NTRK3: variants seen among roughly 807,000 people sequenced by gnomAD.
NTRK3 encodes NT-3 growth factor receptor.
NTRK3 carries 24 observed loss-of-function variants against 91.7 expected under a neutral mutation model. The ratio of observed to expected loss-of-function variants is 0.26; its 90% CI spans 0.19 to 0.37. The LOEUF (loss-of-function observed/expected upper bound fraction) is 0.37, where lower values mean the gene tolerates loss of function less well. NTRK3 is among the 10% of genes least tolerant of loss of function. The pLI is 1.00. For missense variants in NTRK3, 880 were observed against 1,068.9 expected, an observed-to-expected ratio of 0.82 and a Z score of 2.46; for synonymous variants, 483 against 404.0, an observed-to-expected ratio of 1.20 and a Z score of -2.34.
chr15:87,873,007 A>T (rs1285857664), exon 19 of NTRK3: 1 of 232,936 alleles, frequency 4.3e-6, no homozygotes, highest in Non-Finnish European at 8.5e-6. Context: ...CTTAACTTCC[A>T]ATGCACCCTG....
intron 3 of NTRK3, among the ~76,000 whole-genome samples, chr15:88,189,856 G>C (rs147607179): frequency 0.013 from 1,952 of 152,268 alleles, 23 homozygotes; most frequent in Non-Finnish European, 0.019. Flanking sequence ...TACAGAATGT[G>C]TGGTCCATAT....
chr15:88,187,933 C>CAA (rs374017458), intron 3 of NTRK3, among the ~76,000 whole-genome samples: 34 of 114,662 alleles, frequency 3.0e-4, no homozygotes, highest in African/African-American at 9.3e-4. Context: ...GACACTGTCT[C>CAA]AAAAAAAAAA....
At chr15:87,932,164 G>T (rs536762138) in intron 16 of NTRK3, among the ~76,000 whole-genome samples, 1 of 152,188 alleles carries the variant, frequency 6.6e-6, no homozygotes, top group Non-Finnish European at 1.5e-5. Context: ...TCTGGCTGGC[G>T]TTCCAGTCTC....
At chr15:88,230,534 G>C (rs2051092169) in intron 3 of NTRK3, among the ~76,000 whole-genome samples, 1 of 152,138 alleles carries the variant, frequency 6.6e-6, no homozygotes, top group Admixed American at 6.5e-5. Context: ...CCTCAAAGAA[G>C]AGTAAAAAGT....
At chr15:87,984,182 A>G (rs917309256) in intron 14 of NTRK3, among the ~76,000 whole-genome samples, 1 of 152,126 alleles carries the variant, frequency 6.6e-6, no homozygotes, top group African/African-American at 2.4e-5. Flanking sequence ...ATCTGAGAAT[A>G]CCCTTGGTAA....
intron 3 of NTRK3, among the ~76,000 whole-genome samples, chr15:88,239,619 C>A (rs1429332357): frequency 6.6e-6 from 1 of 152,030 alleles, no homozygotes; most frequent in Admixed American, 6.6e-5. Flanking sequence ...CAGGAGAGAA[C>A]CAGGCACCAC....
In NTRK3 at chr15:88,256,640, A is replaced by T; in HGVS notation, c.-219+4T>A. ...CACACACTCACTCTCACACATACAC[A>T]CACCCGGAGCCCGAGGAAAGGAAGA... On this transcript the variant is annotated splice_donor_region_variant and intron_variant, in intron 1 of 18. Coordinates refer to ENST00000394480, the Ensembl canonical transcript of NTRK3. The T allele has an allele frequency of 4.8e-6, 2 of 416,096 alleles. No homozygotes were observed. Among genetic ancestry groups the T allele is most frequent in the Non-Finnish European group, 8.3e-6 (2 of 240,204 alleles). The allele number at this position is 416,096 out of a possible 1,614,324, so 25.8% of individuals were successfully genotyped here.
In NTRK3 at chr15:88,235,639, C is replaced by A. The variant is rs1357328759; in HGVS notation, c.248+20267G>T. On this transcript the variant is annotated intron_variant, in intron 3 of 18. Coordinates refer to ENST00000394480, the Ensembl canonical transcript of NTRK3. This position sits in a 1 kb window ranked among gnomAD's most constrained non-coding sequence, Gnocchi z 5.2. ...CTGCTAAAGAGCACCAAATGCCCAC[C>A]AGGCCCTGGCTTCCACAGTGTCACA... Among the ~76,000 whole-genome samples the A allele has an allele frequency of 1.3e-5, 2 of 152,192 alleles. No homozygotes were observed. The highest frequency in any genetic ancestry group is 2.9e-5 in the Non-Finnish European group (2 of 68,026).
chr15:88,012,273 G>A (rs1186785403), intron 14 of NTRK3, among the ~76,000 whole-genome samples: 3 of 152,202 alleles, frequency 2.0e-5, no homozygotes, highest in Non-Finnish European at 4.4e-5. Flanking sequence ...GGAGTTGGTG[G>A]TTTTGACATA....
Position 88,246,095 on chromosome 15 carries a change from C to T in NTRK3, c.248+9811G>A, listed in dbSNP as rs74027923. Among the ~76,000 whole-genome samples the T allele has an allele frequency of 9.0e-3, 1,375 of 152,298 alleles. 19 individuals are homozygous for T. The highest frequency in any genetic ancestry group is 0.031 in the African/African-American group (1,273 of 41,556). On this transcript the variant is annotated intron_variant, in intron 3 of 18. Transcript: ENST00000394480. ...AGACCAGAGAGCTCCACACCCACCC[C>T]AAAAGCAGCAGACCCTGTCTCTAAA...
At chr15:88,077,021 G>A (rs1481005116) in intron 13 of NTRK3, among the ~76,000 whole-genome samples, 4 of 152,110 alleles carry the variant, frequency 2.6e-5, no homozygotes, top group African/African-American at 7.2e-5. Flanking sequence ...TTGAACCTAG[G>A]AGGCGGAGGT....
chr15:87,889,379 C>T (rs1443831025), intron 17 of NTRK3, among the ~76,000 whole-genome samples: 4 of 143,646 alleles, frequency 2.8e-5, no homozygotes, highest in East Asian at 2.0e-4. Flanking sequence ...AAACCATGCT[C>T]GTTAGTTTAT....
intron 14 of NTRK3, chr15:87,979,391 A>G (rs777790365): frequency 1.2e-6 from 2 of 1,614,088 alleles, no homozygotes; most frequent in South Asian, 2.2e-5. Context: ...GACATCCTCA[A>G]CATAGATGCC....
intron 17 of NTRK3, among the ~76,000 whole-genome samples, chr15:87,892,957 G>C (rs566461696): frequency 2.0e-5 from 3 of 152,226 alleles, no homozygotes; most frequent in Non-Finnish European, 4.4e-5. Context: ...ATGTGTTAAA[G>C]GAATGATGTA....
At chr15:88,041,014 C>T (rs879592244) in intron 13 of NTRK3, among the ~76,000 whole-genome samples, 9 of 152,326 alleles carry the variant, frequency 5.9e-5, no homozygotes, top group Admixed American at 2.0e-4. Context: ...CAAAGTTCTG[C>T]GTCTTCACAC....
chr15:88,164,715 G>A (rs1273368179), intron 5 of NTRK3, among the ~76,000 whole-genome samples: 1 of 152,016 alleles, frequency 6.6e-6, no homozygotes, highest in Admixed American at 6.5e-5. Context: ...TCCAGTGTCA[G>A]CTAAAAACAT....
At chr15:87,956,037 C>G (rs1285687523) in intron 14 of NTRK3, among the ~76,000 whole-genome samples, 1 of 151,896 alleles carries the variant, frequency 6.6e-6, no homozygotes, top group East Asian at 1.9e-4. Flanking sequence ...GGAGAGGACC[C>G]TGGGGTACTG....
At chr15:87,923,988 CTCTT>C (rs2068087538) in intron 17 of NTRK3, among the ~76,000 whole-genome samples, 1 of 152,142 alleles carries the variant, frequency 6.6e-6, no homozygotes, top group Admixed American at 6.6e-5. Context: ...AGAAATAAAT[CTCTT>C]TCTTTAATAA....
chr15:87,898,513 C>T (rs942142335), intron 17 of NTRK3, among the ~76,000 whole-genome samples: 5 of 152,098 alleles, frequency 3.3e-5, no homozygotes, highest in African/African-American at 7.2e-5. Context: ...CAGTTTTCTA[C>T]GGTGGACTAG....
Sources: gnomAD v4.1 joint callset for allele counts (sites outside exome capture counted in the v4.1 genomes callset) on GRCh38, gnomAD v4.1.1 for gene constraint, Gnocchi (gnomAD v3.1) non-coding constraint, MANE v1.5 for transcripts, NCBI Gene and HGNC (gene_info 2026-07-23, HGNC 2026-07-21) for gene names.